Variants in POTEJ observed in about 807,000 individuals in gnomAD.
POTEJ encodes POTE ankyrin domain family member J, also known as POTE ankyrin domain family, member J.
Under a neutral mutation model 69.0 loss-of-function variants are expected in POTEJ, and 11 were observed. That is an observed-to-expected ratio of 0.16 (90% CI 0.10 to 0.26). The LOEUF (loss-of-function observed/expected upper bound fraction) is 0.26. Ranked by LOEUF, POTEJ falls within the 10% of genes least tolerant of loss-of-function variation. The pLI is 1.00. For missense variants in POTEJ, 327 were observed against 1,045.5 expected (o/e 0.31, Z 9.48); for synonymous variants, 117 against 381.1 (o/e 0.31, Z 8.07).
intron 6 of POTEJ, among the ~76,000 whole-genome samples, chr2:130,626,816 A>G (rs1289618165): frequency 6.6e-6 from 1 of 152,142 alleles, no homozygotes; most frequent in East Asian, 1.9e-4. Context: ...ACTTGTTTTA[A>G]TATGTTGGCC....
chr2:130,645,660 T>C (rs1307470282), intron 11 of POTEJ, 77 bp from the exon 12 acceptor site: 9 of 299,440 alleles, frequency 3.0e-5, no homozygotes, highest in Non-Finnish European at 6.0e-5. Context: ...AAAATTATTT[T>C]AAAAACATGC....
At chr2:130,643,318 C>T (rs1385030563) in intron 10 of POTEJ, among the ~76,000 whole-genome samples, 3 of 134,036 alleles carry the variant, frequency 2.2e-5, no homozygotes, top group Non-Finnish European at 3.3e-5. Flanking sequence ...GTCAGGAGAT[C>T]GAGACCATCC....
intron 13 of POTEJ, among the ~76,000 whole-genome samples, chr2:130,654,713 G>T (rs1294664209): frequency 6.9e-6 from 1 of 144,818 alleles, no homozygotes; most frequent in Admixed American, 6.8e-5. Flanking sequence ...CCCACCTCAG[G>T]TTCCTGTAAA....
At chr2:130,631,197 T>C (rs1347872607) in intron 7 of POTEJ, among the ~76,000 whole-genome samples, 6 of 148,784 alleles carry the variant, frequency 4.0e-5, no homozygotes, top group African/African-American at 1.5e-4. Context: ...AAGCCAGTAA[T>C]GTGGCAGTAG....
In POTEJ at chr2:130,625,450, A is replaced by G. The variant is rs551347392; in HGVS notation, c.1015+1316A>G. ...TACTGTGTGCTAGATGCCCACTGGA[A>G]GCTTATAATTATGATTTATTATATA... On this transcript the variant is annotated intron_variant, in intron 6 of 14. Transcript: ENST00000409602. Among the ~76,000 whole-genome samples, 3 of 152,050 alleles carry G rather than the reference A, an allele frequency of 2.0e-5. No individual in the cohort carries two copies. The South Asian group carries it at 6.2e-4, about 31-fold the overall frequency.
chr2:130,637,305 CTATTT>C (rs112513092), intron 9 of POTEJ, among the ~76,000 whole-genome samples: 3,838 of 138,546 alleles, frequency 0.028, 1 homozygote, highest in African/African-American at 0.069. Context: ...GCAAACTTTA[CTATTT>C]TATTTTATTT....
intron 10 of POTEJ, among the ~76,000 whole-genome samples, chr2:130,642,252 A>G (rs1686410527): frequency 1.6e-5 from 2 of 124,646 alleles, no homozygotes; most frequent in Non-Finnish European, 3.3e-5. Context: ...AGTGAGTACC[A>G]GGATTATACT....
chr2:130,648,042 C>T lies in POTEJ; in HGVS notation c.1667+1732C>T, dbSNP rs1477431511. Among the ~76,000 whole-genome samples, 3 of 148,058 alleles carry T rather than the reference C, an allele frequency of 2.0e-5. No homozygotes were observed. In the Admixed American group the frequency reaches 2.0e-4, roughly 10 times the overall value. ...CCTGTTAATAGAACTCAGTATTTTA[C>T]TGTGATCAATTACTTCATATATTTG... On this transcript the variant is annotated intron_variant, in intron 13 of 14. Coordinates refer to ENST00000409602, the MANE Select transcript of POTEJ (RefSeq NM_001277083.2).
rs1686731287 is a variant in POTEJ, at chr2:130,649,637, A to G, written c.1667+3327A>G. ...GATTGCCTCCCATTTCACTCTGAGTATGTGGCAGAGTTCCTCCTAATAACT... is the reference window on the plus strand; with the variant it reads ...GATTGCCTCCCATTTCACTCTGAGTGTGTGGCAGAGTTCCTCCTAATAACT... On this transcript the variant is annotated intron_variant, in intron 13 of 14. Coordinates refer to ENST00000409602, the MANE Select transcript of POTEJ (RefSeq NM_001277083.2). Among the ~76,000 whole-genome samples, 3 of 152,178 alleles carry G rather than the reference A, an allele frequency of 2.0e-5. No homozygotes were observed. In the South Asian group the frequency reaches 6.2e-4, roughly 31 times the overall value.
chr2:130,629,423 T>G (rs1320952235), intron 6 of POTEJ, among the ~76,000 whole-genome samples: 4 of 144,580 alleles, frequency 2.8e-5, no homozygotes, highest in Admixed American at 2.7e-4. Flanking sequence ...CAGCTCTGAG[T>G]GAATGCTGAG....
At chr2:130,637,899 G>A (rs1025098430) in intron 9 of POTEJ, among the ~76,000 whole-genome samples, 18 of 145,970 alleles carry the variant, frequency 1.2e-4, no homozygotes, top group Non-Finnish European at 2.7e-4. Context: ...TGCCCTTGGC[G>A]TGATTCATCA....
At chr2:130,650,100 G>A (rs1237399091) in intron 13 of POTEJ, among the ~76,000 whole-genome samples, 3 of 152,266 alleles carry the variant, frequency 2.0e-5, no homozygotes, top group African/African-American at 7.2e-5. Context: ...GAACATACCA[G>A]GGATGCTCTC....
At chr2:130,637,920 A>G (rs1686171412) in intron 9 of POTEJ, among the ~76,000 whole-genome samples, 1 of 146,492 alleles carries the variant, frequency 6.8e-6, no homozygotes, top group Admixed American at 6.8e-5. Context: ...ACTCCGTAAT[A>G]GTGGACAATC....
chr2:130,637,078 C>CA (rs771768758), intron 9 of POTEJ, among the ~76,000 whole-genome samples: 2,458 of 103,376 alleles, frequency 0.024, 17 homozygotes, highest in African/African-American at 0.056. Context: ...GACTCCGTCT[C>CA]AAAAAAAAAA....
intron 1 of POTEJ, among the ~76,000 whole-genome samples, chr2:130,613,382 GTGTA>G (rs1272991517): frequency 1.8e-3 from 151 of 85,396 alleles, no homozygotes; most frequent in Non-Finnish European, 1.5e-3. Flanking sequence ...GTGTGTGTGT[GTGTA>G]TATATATATA....
chr2:130,617,887 A>G (rs1685426541), intron 3 of POTEJ, among the ~76,000 whole-genome samples: 1 of 152,310 alleles, frequency 6.6e-6, no homozygotes, highest in Non-Finnish European at 1.5e-5. Context: ...ATTTTAGAGA[A>G]TGACAGTTTT....
At position 130,641,932 on chromosome 2, in the gene POTEJ, T is replaced by C. The variant is rs1686394667; in HGVS notation, c.1370-2051T>C. ...ACAGAATTGGGACAGATGAACTTAA[T>C]AGATGAAGATGAATATCAGAGTTGT... On this transcript the variant is annotated intron_variant, in intron 10 of 14. Transcript: ENST00000409602. 2.0e-5 allele frequency among the ~76,000 whole-genome samples: 3 copies of C among 152,310 alleles called. No homozygotes were observed. The South Asian group carries it at 6.2e-4, about 32-fold the overall frequency.
chr2:130,612,494 C>T (rs1164306797), intron 1 of POTEJ, among the ~76,000 whole-genome samples: 6 of 152,390 alleles, frequency 3.9e-5, no homozygotes, highest in Middle Eastern at 3.4e-3. Context: ...TGGCTGGGCG[C>T]GGTGGCTCAT....
intron 13 of POTEJ, among the ~76,000 whole-genome samples, chr2:130,650,400 T>C (rs1445673795): frequency 6.6e-6 from 1 of 152,208 alleles, no homozygotes; most frequent in Non-Finnish European, 1.5e-5. Flanking sequence ...TCTGTTGTTA[T>C]TGTGTGTTTA....
Sources: gnomAD v4.1 joint callset for allele counts (sites outside exome capture counted in the v4.1 genomes callset) on GRCh38, gnomAD v4.1.1 for gene constraint, MANE v1.5 for transcripts, NCBI Gene and HGNC (gene_info 2026-07-23, HGNC 2026-07-21) for gene names.